ERBB4: variants seen among roughly 807,000 people sequenced by gnomAD.
ERBB4 encodes the protein receptor tyrosine-protein kinase erbB-4.
A neutral mutation model predicts 158.0 loss-of-function variants in ERBB4; 42 were observed. That is an observed-to-expected ratio of 0.27 (90% CI 0.21 to 0.34). The LOEUF (loss-of-function observed/expected upper bound fraction) is 0.34, where lower values mean the gene tolerates loss of function less well. Among genes scored for constraint, ERBB4 ranks in the 10% least tolerant of loss-of-function variants. The pLI is 1.00. For synonymous variants in ERBB4, 583 were observed against 558.7 expected (o/e 1.04, Z -0.61); for missense variants, 1,333 against 1,624.1 (o/e 0.82, Z 3.08).
intron 1 of ERBB4, among the ~76,000 whole-genome samples, chr2:212,316,944 C>A (rs1367698513): frequency 1.3e-5 from 2 of 151,464 alleles, no homozygotes; most frequent in African/African-American, 4.8e-5. Flanking sequence ...CTGCAAGTCG[C>A]AGGAGCTATT....
At chr2:212,110,199 G>A (rs1213971393) in intron 2 of ERBB4, among the ~76,000 whole-genome samples, 1 of 152,098 alleles carries the variant, frequency 6.6e-6, no homozygotes, top group African/African-American at 2.4e-5. Context: ...CCACTCAAAG[G>A]ATTCGAAAAA....
chr2:212,479,934 T>C (rs550856652), intron 1 of ERBB4, among the ~76,000 whole-genome samples: 1 of 152,212 alleles, frequency 6.6e-6, no homozygotes, highest in East Asian at 1.9e-4. Context: ...CAATGTACAT[T>C]CCTGCATTTA....
intron 2 of ERBB4, among the ~76,000 whole-genome samples, chr2:212,015,204 T>C (rs1466758730): frequency 2.7e-5 from 4 of 147,614 alleles, no homozygotes; most frequent in Non-Finnish European, 6.0e-5. Context: ...AGACAGAGCT[T>C]GCAGTGAGCC....
chr2:211,782,262 T>C (rs966138219), intron 4 of ERBB4, among the ~76,000 whole-genome samples: 1 of 152,016 alleles, frequency 6.6e-6, no homozygotes, highest in Admixed American at 6.6e-5. Context: ...CACTCATCCA[T>C]CTGACCCTCA....
At chr2:211,969,957 C>A (rs2081406206) in intron 2 of ERBB4, among the ~76,000 whole-genome samples, 1 of 152,004 alleles carries the variant, frequency 6.6e-6, no homozygotes, top group African/African-American at 2.4e-5. Context: ...TCTTGGTTCT[C>A]TAATTCTTTT....
intron 1 of ERBB4, among the ~76,000 whole-genome samples, chr2:212,422,480 G>A (rs531643992): frequency 7.3e-4 from 109 of 149,070 alleles, no homozygotes; most frequent in African/African-American, 2.0e-3. Context: ...GCTGGGCAAC[G>A]GTGTGAGACT....
At chr2:212,095,956 AAAAG>A (rs2078920712) in intron 2 of ERBB4, among the ~76,000 whole-genome samples, 1 of 151,090 alleles carries the variant, frequency 6.6e-6, no homozygotes, top group Non-Finnish European at 1.5e-5. Context: ...GAAAAAAAAA[AAAAG>A]AAAGAAAGAA....
chr2:211,436,810 A>G (rs1469258873), intron 20 of ERBB4, among the ~76,000 whole-genome samples: 1 of 152,206 alleles, frequency 6.6e-6, no homozygotes, highest in Non-Finnish European at 1.5e-5. Flanking sequence ...TTTTAACAAT[A>G]ATTCACCCGA....
At chr2:211,743,818 T>C (rs994955704) in intron 5 of ERBB4, among the ~76,000 whole-genome samples, 1 of 152,178 alleles carries the variant, frequency 6.6e-6, no homozygotes, top group African/African-American at 2.4e-5. Context: ...AAAAGTACTT[T>C]CAAGTTTGAG....
At chr2:211,876,026 C>T (rs562826488) in intron 3 of ERBB4, among the ~76,000 whole-genome samples, 94 of 152,190 alleles carry the variant, frequency 6.2e-4, no homozygotes, top group African/African-American at 2.2e-3. Context: ...CAGAACATGT[C>T]CTCACCATTA....
chr2:212,193,726 A>G (rs1396076064), intron 1 of ERBB4, among the ~76,000 whole-genome samples: 2 of 152,114 alleles, frequency 1.3e-5, no homozygotes, highest in Non-Finnish European at 2.9e-5. Context: ...ATGGAATTTA[A>G]TAATTGTCAT....
At chr2:212,341,898 G>A (rs1272982721) in intron 1 of ERBB4, among the ~76,000 whole-genome samples, 1 of 152,090 alleles carries the variant, frequency 6.6e-6, no homozygotes, top group Non-Finnish European at 1.5e-5. Flanking sequence ...CAATAGCACT[G>A]TTATTAAATA....
intron 20 of ERBB4, among the ~76,000 whole-genome samples, chr2:211,455,317 G>T (rs2064353569): frequency 6.6e-6 from 1 of 152,142 alleles, no homozygotes; most frequent in Non-Finnish European, 1.5e-5. Flanking sequence ...ATTTCTGTAG[G>T]GAGTTCAGTG....
chr2:212,279,749 T>C (rs553285576), intron 1 of ERBB4, among the ~76,000 whole-genome samples: 3 of 151,754 alleles, frequency 2.0e-5, no homozygotes, highest in African/African-American at 7.2e-5. Flanking sequence ...TTTTATTGTT[T>C]GTGATGAAAC....
chr2:212,282,988 G>T (rs2085816443), intron 1 of ERBB4, among the ~76,000 whole-genome samples: 1 of 151,826 alleles, frequency 6.6e-6, no homozygotes, highest in Admixed American at 6.6e-5. Flanking sequence ...GAGACAGATT[G>T]GAACTCCACC....
At chr2:211,604,366 C>T (rs2068904577) in intron 19 of ERBB4, among the ~76,000 whole-genome samples, 1 of 152,154 alleles carries the variant, frequency 6.6e-6, no homozygotes, top group Non-Finnish European at 1.5e-5. Flanking sequence ...TTAAATTTCA[C>T]CTTGAAATTA....
At chr2:211,427,874 T>C (rs2063663570) in intron 22 of ERBB4, among the ~76,000 whole-genome samples, 1 of 150,036 alleles carries the variant, frequency 6.7e-6, no homozygotes, top group African/African-American at 2.5e-5. Flanking sequence ...GGCAAGTTCC[T>C]ACAAAACCAC....
intron 3 of ERBB4, among the ~76,000 whole-genome samples, chr2:211,898,061 G>A (rs1470201632): frequency 6.6e-6 from 1 of 151,562 alleles, no homozygotes; most frequent in Non-Finnish European, 1.5e-5. Context: ...ATTTCACCCA[G>A]GCTGATTTTT....
chr2:211,890,430 G>A (rs1329160293), intron 3 of ERBB4, among the ~76,000 whole-genome samples: 2 of 151,182 alleles, frequency 1.3e-5, no homozygotes, highest in African/African-American at 4.9e-5. Flanking sequence ...AGGAACAACT[G>A]GTACCAGCCG....
Sources: gnomAD v4.1 joint callset for allele counts (sites outside exome capture counted in the v4.1 genomes callset) on GRCh38, gnomAD v4.1.1 for gene constraint, MANE v1.5 for transcripts, NCBI Gene and HGNC (gene_info 2026-07-23, HGNC 2026-07-21) for gene names.